Variants in ITGB1 observed in about 807,000 individuals in gnomAD.
ITGB1 encodes the protein integrin subunit beta 1, also known as integrin beta-1.
Under a neutral mutation model 86.5 loss-of-function variants are expected in ITGB1, and 24 were observed. The observed-to-expected ratio is 0.28, with a 90% CI of 0.20 to 0.39. The LOEUF is 0.39. ITGB1 is among the 10% of genes least tolerant of loss of function. The probability of loss-of-function intolerance (pLI) is 1.00; values close to 1 mark genes in which losing one functional copy is unlikely to be tolerated. For synonymous variants in ITGB1, 323 were observed against 316.8 expected, an observed-to-expected ratio of 1.02 and a Z score of -0.21; for missense variants, 556 against 946.9, an observed-to-expected ratio of 0.59 and a Z score of 5.42.
intron 3 of ITGB1, among the ~76,000 whole-genome samples, chr10:32,931,177 A>C (rs1197310701): frequency 6.6e-6 from 1 of 152,152 alleles, no homozygotes; most frequent in Non-Finnish European, 1.5e-5. Context: ...TATTAAACCT[A>C]AACTACTACC....
chr10:32,953,839 A>AC (rs2095047231), intron 1 of ITGB1: 1 of 152,228 alleles, frequency 6.6e-6, no homozygotes, highest in Admixed American at 6.5e-5. Flanking sequence ...AAGAAATGTG[A>AC]CCAATGAAGT....
At chr10:32,951,804 T>C (rs2095043183) in intron 1 of ITGB1, 1 of 152,232 alleles carries the variant, frequency 6.6e-6, no homozygotes. Context: ...TGAGAAAGTT[T>C]ACTTTGGGGC....
chr10:32,954,009 TAA>T (rs1005893578), intron 1 of ITGB1, among the ~76,000 whole-genome samples: 1 of 152,146 alleles, frequency 6.6e-6, no homozygotes, highest in Non-Finnish European at 1.5e-5. Context: ...CCTTGACTAT[TAA>T]AAGTGTTCCC....
intron 1 of ITGB1, among the ~76,000 whole-genome samples, chr10:32,941,892 G>A (rs536750057): frequency 3.3e-5 from 5 of 152,220 alleles, no homozygotes; most frequent in African/African-American, 9.6e-5. Context: ...AATGGGGTTA[G>A]GGGAAAAAAT....
At chr10:32,921,660 G>A (rs1365273910) in intron 9 of ITGB1, among the ~76,000 whole-genome samples, 1 of 152,166 alleles carries the variant, frequency 6.6e-6, no homozygotes, top group East Asian at 1.9e-4. Flanking sequence ...GCTCAAAAAG[G>A]ATAAGCCAAT....
Position 32,911,656 on chromosome 10 carries a change from T to G in ITGB1, c.1723A>C (p.Lys575Gln). 1 of 1,614,088 alleles carries G rather than the reference T, an allele frequency of 6.2e-7. No individual in the cohort carries two copies. Among genetic ancestry groups the G allele is most frequent in the Middle Eastern group, 1.6e-4 (1 of 6,062 alleles). ...GGGTTGCACTCACACACACGACACT[T>G]GCAAACACCATTTCCTGCAATTAAG... ...GLICGGNGVC[K>Q]CRVCECNPNY... Residue 575 changes from lysine to glutamine, a missense_variant, in exon 13 of 16, where the codon AAG becomes CAG. Physicochemically the swap from Lys to Gln is moderately conservative, Grantham distance 53 (BLOSUM62 1). Around this residue, in one of 4 missense-constraint regions of ITGB1, gnomAD observed 330 missense variants for 531.5 expected, o/e 0.62. Coordinates refer to ENST00000302278, the MANE Select transcript of ITGB1 (RefSeq NM_002211.4).
At chr10:32,912,616 G>A (rs528729866) in intron 11 of ITGB1, among the ~76,000 whole-genome samples, 26 of 152,318 alleles carry the variant, frequency 1.7e-4, no homozygotes, top group African/African-American at 6.3e-4. Flanking sequence ...GGCCGAGGGA[G>A]GGGTATCCCC....
chr10:32,909,344 T>G (rs2094906299), intron 14 of ITGB1, among the ~76,000 whole-genome samples: 2 of 152,166 alleles, frequency 1.3e-5, no homozygotes, highest in Admixed American at 1.3e-4. Context: ...CAAAATGAGT[T>G]ACAGATCTAA....
chr10:32,908,039 A>G (rs149220921), intron 15 of ITGB1, among the ~76,000 whole-genome samples: 3 of 152,130 alleles, frequency 2.0e-5, no homozygotes, highest in South Asian at 4.1e-4. Context: ...CTTTCCATTG[A>G]ATAGCTTGCT....
intron 11 of ITGB1, among the ~76,000 whole-genome samples, chr10:32,913,318 T>C (rs910683635): frequency 3.3e-5 from 5 of 152,184 alleles, no homozygotes; most frequent in African/African-American, 1.2e-4. Context: ...GAGAATGACT[T>C]TGACAAGTTG....
At position 32,911,914 on chromosome 10, in the gene ITGB1, A is replaced by G; in HGVS notation, c.1680T>C (p.Cys560=). 1 of 1,613,550 alleles carries G rather than the reference A, an allele frequency of 6.2e-7. No homozygotes were observed. Residue 560 remains cysteine (C), a synonymous_variant, in exon 12 of 16, where the codon TGT becomes TGC. Coordinates refer to ENST00000302278, the MANE Select transcript of ITGB1 (RefSeq NM_002211.4). ...CACAAATTAAGCCATTGGATCTATC[A>G]CAGTTGAAATTATCACACTCGCAGA... The part of the protein sequence containing the change: ...GKFCECDNFN[C]DRSNGLICGG...
chr10:32,916,195 G>A (rs1409223311), intron 11 of ITGB1, among the ~76,000 whole-genome samples: 1 of 152,202 alleles, frequency 6.6e-6, no homozygotes, highest in Admixed American at 6.5e-5. Context: ...TCAACCCACA[G>A]CCAATATCAT....
chr10:32,912,910 T>G (rs1026766408), intron 11 of ITGB1, among the ~76,000 whole-genome samples: 1 of 152,150 alleles, frequency 6.6e-6, no homozygotes, highest in Admixed American at 6.5e-5. Context: ...AGACACCTCC[T>G]AGTAGGGGCT....
intron 1 of ITGB1, chr10:32,953,543 T>TAAAAAA (rs1315540859): frequency 9.6e-6 from 1 of 103,886 alleles, no homozygotes. Context: ...TCTCTGGTGA[T>TAAAAAA]ACAAAAAAAA....
chr10:32,934,589 A>C (rs2094994821), intron 2 of ITGB1, among the ~76,000 whole-genome samples: 1 of 152,200 alleles, frequency 6.6e-6, no homozygotes, highest in Non-Finnish European at 1.5e-5. Flanking sequence ...AATGTTAAAA[A>C]ACTGTTGCTC....
chr10:32,945,123 T>C (rs2137257178), intron 1 of ITGB1: 1 of 363,108 alleles, frequency 2.8e-6, no homozygotes, highest in South Asian at 2.8e-5. Context: ...CTTTTATTTC[T>C]ACTGATTTTA....
intron 1 of ITGB1, among the ~76,000 whole-genome samples, chr10:32,943,713 G>C (rs188587737): frequency 4.1e-4 from 63 of 152,250 alleles, no homozygotes; most frequent in Non-Finnish European, 6.9e-4. Context: ...TTTAGCTAGG[G>C]TTCTGTCCAA....
intron 11 of ITGB1, among the ~76,000 whole-genome samples, chr10:32,916,339 C>T (rs9418039): frequency 0.46 from 69,261 of 151,802 alleles, 18,056 homozygotes; most frequent in Non-Finnish European, 0.59. Context: ...AGAAATAACA[C>T]ATAACAATAT....
At chr10:32,920,751 C>T (rs982030002) in intron 9 of ITGB1, among the ~76,000 whole-genome samples, 1 of 150,864 alleles carries the variant, frequency 6.6e-6, no homozygotes, top group African/African-American at 2.4e-5. Flanking sequence ...GGTAGGTGGA[C>T]TGCCTGAGCT....
Sources: gnomAD v4.1 joint callset for allele counts (sites outside exome capture counted in the v4.1 genomes callset) on GRCh38, gnomAD v4.1.1 for gene constraint, gnomAD v4.1.1 regional missense constraint, MANE v1.5 for transcripts, NCBI Gene and HGNC (gene_info 2026-07-23, HGNC 2026-07-21) for gene names.